The following CNTN4 variants were observed in gnomAD, a reference collection of about 807,000 sequenced individuals.
The protein encoded by CNTN4 is contactin 4, also known as contactin-4.
Under a neutral mutation model 122.5 loss-of-function variants are expected in CNTN4, and 77 were observed. The ratio of observed to expected loss-of-function variants is 0.63; its 90% CI spans 0.52 to 0.76. The LOEUF is 0.76. Among genes scored for constraint, CNTN4 ranks in the 30% least tolerant of loss-of-function variants. The pLI, the probability that CNTN4 is intolerant of heterozygous loss-of-function variation, is 0.00. For synonymous variants in CNTN4, 512 were observed against 447.0 expected, an observed-to-expected ratio of 1.15 and a Z score of -1.83; for missense variants, 1,256 against 1,259.1, an observed-to-expected ratio of 1.00 and a Z score of 0.04.
At chr3:2,991,184 T>A (rs1045191478) in intron 14 of CNTN4, among the ~76,000 whole-genome samples, 6 of 152,160 alleles carry the variant, frequency 3.9e-5, no homozygotes. Context: ...CGCTGAAACA[T>A]GCACAACACT....
At chr3:2,198,220 A>C (rs1258244035) in intron 2 of CNTN4, among the ~76,000 whole-genome samples, 1 of 152,312 alleles carries the variant, frequency 6.6e-6, no homozygotes, top group African/African-American at 2.4e-5. Flanking sequence ...GGAAAGTTTC[A>C]GTCTTTTCCT....
At chr3:2,498,984 T>G (rs1328564349) in intron 3 of CNTN4, among the ~76,000 whole-genome samples, 1 of 152,076 alleles carries the variant, frequency 6.6e-6, no homozygotes, top group African/African-American at 2.4e-5. Flanking sequence ...GAGATAGGGT[T>G]TCAACATGTT....
At chr3:2,978,829 C>G (rs1559745000) in intron 13 of CNTN4, among the ~76,000 whole-genome samples, 1 of 152,166 alleles carries the variant, frequency 6.6e-6, no homozygotes, top group Non-Finnish European at 1.5e-5. Context: ...CCATCCTCCC[C>G]TCTGCCATCC....
intron 4 of CNTN4, among the ~76,000 whole-genome samples, chr3:2,674,790 A>C (rs1180611173): frequency 6.6e-6 from 1 of 152,098 alleles, no homozygotes; most frequent in African/African-American, 2.4e-5. Context: ...CAAAAAAAAA[A>C]AAAACCATTA....
chr3:2,553,978 T>A (rs1245096851), intron 3 of CNTN4, among the ~76,000 whole-genome samples: 1 of 152,170 alleles, frequency 6.6e-6, no homozygotes, highest in Non-Finnish European at 1.5e-5. Flanking sequence ...GTGTTTTCTG[T>A]AACTACCAAA....
At position 2,653,761 on chromosome 3, in the gene CNTN4, A is replaced by G. The variant is rs149001128; in HGVS notation, c.55+82203A>G. On this transcript the variant is annotated intron_variant, in intron 4 of 24. Coordinates refer to ENST00000418658, the MANE Select transcript of CNTN4 (RefSeq NM_175607.3). ...ATATTTCCTTTATTTTTCTTCAGTG[A>G]CTACTCAAAAATCTTACCCAGAATG... Among the ~76,000 whole-genome samples the G allele has an allele frequency of 2.3e-3, 347 of 152,274 alleles. 1 individual carries two copies. The highest frequency in any genetic ancestry group is 7.9e-3 in the African/African-American group (328 of 41,552).
intron 3 of CNTN4, among the ~76,000 whole-genome samples, chr3:2,394,192 A>G (rs1334110132): frequency 6.6e-6 from 1 of 152,040 alleles, no homozygotes; most frequent in Non-Finnish European, 1.5e-5. Context: ...TTGAGAATGA[A>G]AAAAAGGCAT....
intron 2 of CNTN4, among the ~76,000 whole-genome samples, chr3:2,301,740 A>G (rs2042533551): frequency 6.6e-6 from 1 of 152,242 alleles, no homozygotes; most frequent in African/African-American, 2.4e-5. Flanking sequence ...CCACTCTAGT[A>G]GAGCACTCAT....
At chr3:2,805,911 T>C (rs2092455830) in intron 6 of CNTN4, among the ~76,000 whole-genome samples, 1 of 152,154 alleles carries the variant, frequency 6.6e-6, no homozygotes, top group Non-Finnish European at 1.5e-5. Flanking sequence ...TTTTTGTTTT[T>C]GTTTTTCTGA....
intron 3 of CNTN4, among the ~76,000 whole-genome samples, chr3:2,466,890 G>C (rs1050053066): frequency 2.0e-5 from 3 of 151,706 alleles, no homozygotes; most frequent in Non-Finnish European, 2.9e-5. Context: ...AGAAAGTAGA[G>C]GGTCCTTTGT....
intron 4 of CNTN4, among the ~76,000 whole-genome samples, chr3:2,626,163 G>A (rs905664232): frequency 2.0e-5 from 3 of 152,122 alleles, no homozygotes; most frequent in African/African-American, 7.2e-5. Flanking sequence ...CTTTGATAGA[G>A]CAGAAGCTCT....
At chr3:2,810,498 T>C (rs1028879379) in intron 6 of CNTN4, among the ~76,000 whole-genome samples, 1 of 152,324 alleles carries the variant, frequency 6.6e-6, no homozygotes, top group South Asian at 2.1e-4. Flanking sequence ...TTTTGCTAAA[T>C]AGAGGATTGC....
intron 2 of CNTN4, among the ~76,000 whole-genome samples, chr3:2,259,574 C>A (rs1376864435): frequency 6.6e-6 from 1 of 152,108 alleles, no homozygotes; most frequent in Non-Finnish European, 1.5e-5. Flanking sequence ...TGGCAGAAGG[C>A]AAAAGGCACA....
chr3:2,402,642 A>G (rs2046899286), intron 3 of CNTN4, among the ~76,000 whole-genome samples: 1 of 152,088 alleles, frequency 6.6e-6, no homozygotes, highest in Non-Finnish European at 1.5e-5. Context: ...ACTGAACACT[A>G]GATCTTTTTC....
intron 2 of CNTN4, among the ~76,000 whole-genome samples, chr3:2,319,043 A>C (rs1019499562): frequency 3.9e-5 from 6 of 152,090 alleles, no homozygotes; most frequent in Non-Finnish European, 7.4e-5. Flanking sequence ...TTGTTTTGTA[A>C]ATCCAAATTT....
At chr3:2,328,605 C>T (rs547260904) in intron 2 of CNTN4, among the ~76,000 whole-genome samples, 4 of 151,934 alleles carry the variant, frequency 2.6e-5, no homozygotes, top group African/African-American at 9.6e-5. Flanking sequence ...ACAGTTGGCC[C>T]TCCATATCCT....
At chr3:2,618,083 T>C (rs1576237212) in intron 4 of CNTN4, among the ~76,000 whole-genome samples, 3 of 152,108 alleles carry the variant, frequency 2.0e-5, no homozygotes, top group Admixed American at 2.0e-4. Flanking sequence ...TTAAACACTG[T>C]ATATGTAGTA....
intron 13 of CNTN4, among the ~76,000 whole-genome samples, chr3:2,956,561 T>C (rs1391935): frequency 0.025 from 3,876 of 152,212 alleles, 169 homozygotes; most frequent in African/African-American, 0.088. Context: ...GAATGTTACT[T>C]CTTTTTTATT....
At position 3,030,860 on chromosome 3, in the gene CNTN4, T is replaced by C. The variant is rs151062344; in HGVS notation, c.1668T>C (p.Asp556=). Residue 556 remains aspartate, a synonymous_variant, in exon 16 of 25, where the codon GAT becomes GAC. Transcript: ENST00000418658. ...ACTTTCCCCTACTTTATCAGCAGGA[T>C]TCAGCTGGTGATTTGATGATCCGAA... The part of the protein sequence containing the change: ...GDHFERVGGQ[D]SAGDLMIRNI... 10 of 1,613,922 alleles carry C rather than the reference T, an allele frequency of 6.2e-6. No homozygotes were observed. Among genetic ancestry groups the C allele is most frequent in the African/African-American group, 1.3e-5 (1 of 74,920 alleles).
Sources: allele counts gnomAD v4.1 joint callset (sites outside exome capture counted in the v4.1 genomes callset), GRCh38; gene constraint gnomAD v4.1.1; transcripts MANE v1.5; gene names NCBI Gene and HGNC (gene_info 2026-07-23, HGNC 2026-07-21).